Variants in SUGCT observed in about 807,000 individuals in gnomAD.
The protein encoded by SUGCT is succinyl-CoA:glutarate-CoA transferase.
A neutral mutation model predicts 55.0 loss-of-function variants in SUGCT; 41 were observed. That is an observed-to-expected ratio of 0.74 (90% CI 0.58 to 0.97). The LOEUF is 0.97. Ranked by LOEUF, SUGCT falls within the 50% of genes least tolerant of loss-of-function variation. SUGCT has a pLI of 0.00. For synonymous variants in SUGCT, 187 were observed against 200.4 expected (o/e 0.93, Z 0.56); for missense variants, 568 against 547.8 (o/e 1.04, Z -0.37).
At chr7:40,787,320 C>T (rs1046175991) in intron 13 of SUGCT, among the ~76,000 whole-genome samples, 10 of 152,144 alleles carry the variant, frequency 6.6e-5, no homozygotes, top group Non-Finnish European at 1.2e-4. Flanking sequence ...CCTGTGTACT[C>T]TTTCCCTTTC....
At chr7:40,795,246 A>G (rs1790495480) in intron 13 of SUGCT, among the ~76,000 whole-genome samples, 2 of 152,150 alleles carry the variant, frequency 1.3e-5, no homozygotes, top group Non-Finnish European at 2.9e-5. Flanking sequence ...CCCCAAAGCC[A>G]TAGAGGTAGT....
At chr7:40,279,601 A>G (rs906442548) in intron 8 of SUGCT, among the ~76,000 whole-genome samples, 1 of 152,160 alleles carries the variant, frequency 6.6e-6, no homozygotes, top group Non-Finnish European at 1.5e-5. Flanking sequence ...TTGAAAAAAT[A>G]CTTCAGTGTT....
chr7:41,038,040 C>T, the SUGCT span, among the ~76,000 whole-genome samples: 8 of 152,098 alleles, frequency 5.3e-5, no homozygotes, highest in African/African-American at 1.4e-4. Context: ...GGGAAGAGTG[C>T]TTCTGATCTT....
At chr7:40,457,131 AC>A (rs1789533964) in intron 10 of SUGCT, among the ~76,000 whole-genome samples, 1 of 146,770 alleles carries the variant, frequency 6.8e-6, no homozygotes, top group African/African-American at 2.5e-5. Flanking sequence ...TCTTTTTTGT[AC>A]CAATATATGC....
intron 8 of SUGCT, among the ~76,000 whole-genome samples, chr7:40,298,435 T>A (rs189821209): frequency 6.6e-6 from 1 of 152,314 alleles, no homozygotes; most frequent in Non-Finnish European, 1.5e-5. Flanking sequence ...TGTTCTTTCC[T>A]CAATTTTGTC....
chr7:40,536,770 C>T (rs1794385647), intron 12 of SUGCT, among the ~76,000 whole-genome samples: 1 of 152,136 alleles, frequency 6.6e-6, no homozygotes, highest in Non-Finnish European at 1.5e-5. Context: ...AAGTCTTTCT[C>T]AGCTTGGGTA....
chr7:40,385,485 T>C (rs924286455), intron 9 of SUGCT, among the ~76,000 whole-genome samples: 1 of 152,192 alleles, frequency 6.6e-6, no homozygotes, highest in East Asian at 1.9e-4. Flanking sequence ...CTAAAAAAGA[T>C]ATAATTGCTC....
chr7:40,575,125 T>TGGGGGGGGGGGGGGGGGGGG (rs1491375845), intron 12 of SUGCT, among the ~76,000 whole-genome samples: 1 of 136,958 alleles, frequency 7.3e-6, no homozygotes, highest in African/African-American at 3.2e-5. Context: ...GTGGCGGGGG[T>TGGGGGGGGGGGGGGGGGGGG]GGGGGTGGAG....
chr7:40,390,173 A>G (rs113243448), intron 9 of SUGCT, among the ~76,000 whole-genome samples: 5 of 152,306 alleles, frequency 3.3e-5, no homozygotes, highest in African/African-American at 1.2e-4. Flanking sequence ...CCCACAGCCA[A>G]TATCATACTG....
intron 1 of SUGCT, among the ~76,000 whole-genome samples, chr7:40,136,484 GAC>G (rs1659611875): frequency 6.6e-6 from 1 of 152,178 alleles, no homozygotes; most frequent in Non-Finnish European, 1.5e-5. Context: ...GATGAATGGA[GAC>G]ACACACAGAC....
chr7:40,295,879 C>T (rs1169995484), intron 8 of SUGCT, among the ~76,000 whole-genome samples: 5 of 152,244 alleles, frequency 3.3e-5, no homozygotes, highest in South Asian at 2.1e-4. Flanking sequence ...TTGCTGCATC[C>T]GTTTCTTTTT....
chr7:40,288,630 C>A (rs903889488), intron 8 of SUGCT, among the ~76,000 whole-genome samples: 50 of 151,378 alleles, frequency 3.3e-4, no homozygotes, highest in African/African-American at 1.1e-3. Flanking sequence ...TTTGAGTGTG[C>A]TTATTACCGA....
chr7:40,780,997 T>C (rs2128737240), intron 13 of SUGCT, among the ~76,000 whole-genome samples: 1 of 152,308 alleles, frequency 6.6e-6, no homozygotes, highest in African/African-American at 2.4e-5. Context: ...TTTATCTTTC[T>C]TCATTCTTCA....
At chr7:40,267,706 G>C (rs1791693716) in intron 7 of SUGCT, among the ~76,000 whole-genome samples, 1 of 152,054 alleles carries the variant, frequency 6.6e-6, no homozygotes, top group Admixed American at 6.6e-5. Context: ...TTGTCTTCTT[G>C]CACCTGGGAA....
chr7:40,595,344 T>A (rs1356721661), intron 12 of SUGCT, among the ~76,000 whole-genome samples: 1 of 152,178 alleles, frequency 6.6e-6, no homozygotes, highest in African/African-American at 2.4e-5. Context: ...AAGTGTATTG[T>A]GCTTCTTTAA....
chr7:40,755,100 C>G (rs777405253), intron 13 of SUGCT, among the ~76,000 whole-genome samples: 4 of 152,012 alleles, frequency 2.6e-5, no homozygotes, highest in Non-Finnish European at 4.4e-5. Context: ...GATCCAGAGG[C>G]CAGAGGAATA....
the SUGCT span, among the ~76,000 whole-genome samples, chr7:40,904,894 C>T: frequency 3.9e-5 from 6 of 152,102 alleles, no homozygotes; most frequent in Non-Finnish European, 7.3e-5. Context: ...ACACCAATAT[C>T]CAGATTTAGT....
chr7:40,821,683 C>G (rs1482289364), intron 13 of SUGCT, among the ~76,000 whole-genome samples: 3 of 152,064 alleles, frequency 2.0e-5, no homozygotes, highest in African/African-American at 7.2e-5. Context: ...TGCTAGCGGT[C>G]TGTCAATTTT....
chr7:40,770,788 T>C (rs1789058760), intron 13 of SUGCT, among the ~76,000 whole-genome samples: 1 of 152,114 alleles, frequency 6.6e-6, no homozygotes, highest in African/African-American at 2.4e-5. Context: ...AGGAAGACTT[T>C]TTCCTAATCC....
Sources: gnomAD v4.1 joint callset for allele counts (sites outside exome capture counted in the v4.1 genomes callset) on GRCh38, gnomAD v4.1.1 for gene constraint, MANE v1.5 for transcripts, NCBI Gene and HGNC (gene_info 2026-07-23, HGNC 2026-07-21) for gene names.